Variants in B4GALT3 observed in about 807,000 individuals in gnomAD.
B4GALT3 encodes the protein N-acetyllactosamine synthase.
B4GALT3 carries 29 observed loss-of-function variants against 40.7 expected under a neutral mutation model. That is an observed-to-expected ratio of 0.71 (90% CI 0.53 to 0.97). The LOEUF is 0.97. Among genes scored for constraint, B4GALT3 ranks in the 50% least tolerant of loss-of-function variants. The pLI, the probability that B4GALT3 is intolerant of heterozygous loss-of-function variation, is 0.00. For synonymous variants in B4GALT3, 182 were observed against 203.9 expected, an observed-to-expected ratio of 0.89 and a Z score of 0.92; for missense variants, 390 against 522.3, an observed-to-expected ratio of 0.75 and a Z score of 2.47.
intron 7 of B4GALT3, 45 bp downstream of exon 7, chr1:161,172,182 T>A (rs766921603): frequency 6.2e-6 from 10 of 1,612,928 alleles, no homozygotes; most frequent in Non-Finnish European, 8.5e-6. Flanking sequence ...TACAGAACCC[T>A]GAGGATCCAG....
At chr1:161,174,964 A>G (rs552191416) in intron 4 of B4GALT3, 29 bp downstream of exon 4, 2 of 1,603,490 alleles carry the variant, frequency 1.2e-6, no homozygotes, top group African/African-American at 2.7e-5. Context: ...GAAGAAAGTC[A>G]GTCAAAATGA....
Position 161,175,939 on chromosome 1 carries a change from T to G in B4GALT3, c.122A>C (p.Asp41Ala), listed in dbSNP as rs1663348367. 6.2e-7 allele frequency: 1 copy of G among 1,613,982 alleles called. No individual in the cohort carries two copies. The highest frequency in any genetic ancestry group is 8.5e-7 in the Non-Finnish European group (1 of 1,180,026). The change falls in exon 3 of 8, where the codon GAT becomes GCT. Residue 41 changes from aspartate (D) to alanine (A), a missense_variant. Around this residue, in one of 3 missense-constraint regions of B4GALT3, gnomAD observed 183 missense variants for 223.2 expected, o/e 0.82. Coordinates refer to ENST00000319769, the MANE Select transcript of B4GALT3 (RefSeq NM_003779.4). ...AGAATAGTCAAATGTCGGTCCCTGA[T>G]CTCGGCCAAATAGGGCACTGAGACT... ...FRSLSALFGR[D>A]QGPTFDYSHP...
chr1:161,176,082 G>A lies in B4GALT3; in HGVS notation c.-14-8C>T. 4 of 1,611,930 alleles carry A rather than the reference G, an allele frequency of 2.5e-6. No homozygotes were observed. The highest frequency in any genetic ancestry group is 3.4e-6 in the Non-Finnish European group (4 of 1,178,356). ...ACATCCTGGGGGTGAGATCTAGGGA[G>A]GGAGAGGGGAATTCTGGGGGTAGGC... On this transcript the variant is annotated splice_polypyrimidine_tract_variant and splice_region_variant and intron_variant, in intron 2 of 7. Transcript: ENST00000319769.
rs376713180 is a variant in B4GALT3 at position 161,173,661 on chromosome 1, A to G, written c.747T>C (p.Asn249=). ...ALTPDQYLKM[N]GFPNEYWGWG... is the part of the protein sequence containing the mutation. ...AGCCCCAGTATTCATTGGGGAAGCC[A>G]TTCATCTTCAGGTACTGGTCAGGAG... Residue 249 remains asparagine, a synonymous_variant, in exon 6 of 8, where the codon AAT becomes AAC. Coordinates refer to ENST00000319769, the MANE Select transcript of B4GALT3 (RefSeq NM_003779.4). 8 of 1,614,056 alleles carry G rather than the reference A, an allele frequency of 5.0e-6. No individual in the cohort carries two copies. Among genetic ancestry groups the G allele is most frequent in the Admixed American group, 1.7e-5 (1 of 60,008 alleles).
intron 1 of B4GALT3, chr1:161,177,165 C>A: frequency 1.6e-6 from 2 of 1,289,334 alleles, no homozygotes; most frequent in Non-Finnish European, 2.1e-6. Context: ...GCTGGAAGGG[C>A]TCACCTAGAG....
chr1:161,174,055 A>C lies in B4GALT3; in HGVS notation c.490-6T>G, dbSNP rs936644055. 5.0e-6 allele frequency: 8 copies of C among 1,612,476 alleles called. No homozygotes were observed. In the African/African-American group the frequency reaches 1.1e-4, roughly 22 times the overall value. On this transcript the variant is annotated splice_region_variant and splice_polypyrimidine_tract_variant and intron_variant, in intron 4 of 7. Coordinates refer to ENST00000319769, the MANE Select transcript of B4GALT3 (RefSeq NM_003779.4). The stretch of plus-strand genomic sequence containing the variant: ...TTAAATGTTCCATTTCCAGCCTGGA[A>C]GATAATGGAGGGGAACCAGACTATG...
chr1:161,177,133 G>A, intron 1 of B4GALT3: 1 of 1,482,430 alleles, frequency 6.7e-7, no homozygotes, highest in Non-Finnish European at 9.1e-7. Context: ...AGGGAGAGCA[G>A]GGGCAGAGAC....
chr1:161,176,786 C>A (rs562512256), intron 1 of B4GALT3: 3 of 1,433,720 alleles, frequency 2.1e-6, no homozygotes, highest in Non-Finnish European at 2.8e-6. Flanking sequence ...CGTACCCCCA[C>A]CCCAACAGGA....
At chr1:161,176,836 T>C in intron 1 of B4GALT3, 5 of 1,533,060 alleles carry the variant, frequency 3.3e-6, no homozygotes, top group Non-Finnish European at 4.4e-6. Flanking sequence ...ATGGAAACAT[T>C]GTTTTCCCCC....
Position 161,176,552 on chromosome 1 carries a change from A to G in B4GALT3, c.-133T>C, listed in dbSNP as rs1663597805. ...CAGAGGGCAGAGAAAGGCTCCATCC[A>G]GCACTCCAGCAGCGAATCTGGGACC... On this transcript the variant is annotated 5_prime_UTR_variant, in exon 2 of 8. Coordinates refer to ENST00000319769, the MANE Select transcript of B4GALT3 (RefSeq NM_003779.4). 6 of 467,978 alleles carry G rather than the reference A, an allele frequency of 1.3e-5. No homozygotes were observed. Among genetic ancestry groups the G allele is most frequent in the Non-Finnish European group, 1.5e-5 (4 of 258,612 alleles). The allele number at this position is 467,978 out of a possible 1,614,324, so 29.0% of individuals were successfully genotyped here. A position where few individuals can be genotyped will look rare whatever the true frequency, so the allele number is the denominator to read the frequency against.
intron 1 of B4GALT3, chr1:161,176,818 G>T: frequency 6.6e-7 from 1 of 1,525,990 alleles, no homozygotes; most frequent in South Asian, 1.2e-5. Flanking sequence ...GTGGGGACAG[G>T]ACAGCTAATG....
At chr1:161,175,703 C>A in intron 3 of B4GALT3, 105 bp downstream of exon 3, 1 of 1,509,754 alleles carries the variant, frequency 6.6e-7, no homozygotes, top group African/African-American at 1.4e-5. Flanking sequence ...GCCTACCTAT[C>A]CTCTTCTAAG....
chr1:161,176,923 T>C (rs929260704), intron 1 of B4GALT3: 51 of 1,535,940 alleles, frequency 3.3e-5, no homozygotes, highest in African/African-American at 3.0e-4. Context: ...CAGGGCGAAG[T>C]AGGAAACAGG....
At chr1:161,177,091 G>A (rs1428671046) in intron 1 of B4GALT3, 4 of 1,530,920 alleles carry the variant, frequency 2.6e-6, no homozygotes, top group Non-Finnish European at 2.6e-6. Context: ...AGCGGGGGTG[G>A]GGAGGAGGGT....
chr1:161,173,312 C>T (rs1481494205), intron 6 of B4GALT3, among the ~76,000 whole-genome samples: 2 of 152,170 alleles, frequency 1.3e-5, no homozygotes, highest in East Asian at 3.8e-4. Context: ...CAGCAGAAGG[C>T]AAGACTAAGC....
At chr1:161,176,204 G>T in intron 2 of B4GALT3, 130 bp from the exon 3 acceptor site, 1 of 943,322 alleles carries the variant, frequency 1.1e-6, no homozygotes, top group Non-Finnish European at 1.6e-6. Flanking sequence ...ACAGAAGGGA[G>T]CACACAGGTG....
chr1:161,176,344 A>C (rs1379995951), intron 2 of B4GALT3, 90 bp downstream of exon 2: 4 of 532,404 alleles, frequency 7.5e-6, no homozygotes, highest in Non-Finnish European at 1.3e-5. Flanking sequence ...CACCCCCAAA[A>C]ATGTTTACAT....
rs764845131 is a variant in B4GALT3, at chr1:161,175,100, T to C, written c.382A>G (p.Ile128Val). The change falls in exon 4 of 8, where the codon ATT (isoleucine) becomes GTT (valine). Residue 128 changes from isoleucine (I) to valine (V), a missense_variant. Ile to Val is a conservative substitution (Grantham distance 29). Around this residue, in one of 3 missense-constraint regions of B4GALT3, gnomAD observed 183 missense variants for 223.2 expected, o/e 0.82. Transcript: ENST00000319769. ...GCEPRSRTAI[I>V]VPHRAREHHL... ...TGCTCCCGGGCACGATGAGGCACAA[T>C]GATGGCTGTTCGGGAGCGGGGCTCA... 2.5e-6 allele frequency: 4 copies of C among 1,613,982 alleles called. No individual in the cohort carries two copies. Among genetic ancestry groups the C allele is most frequent in the Non-Finnish European group, 3.4e-6 (4 of 1,179,878 alleles).
intron 4 of B4GALT3, among the ~76,000 whole-genome samples, chr1:161,174,440 A>C (rs1302851906): frequency 6.6e-6 from 1 of 152,084 alleles, no homozygotes; most frequent in Admixed American, 6.6e-5. Flanking sequence ...TAAAAGTGAA[A>C]AGAGGGAAAT....
Sources: gnomAD v4.1 joint callset for allele counts (sites outside exome capture counted in the v4.1 genomes callset) on GRCh38, gnomAD v4.1.1 for gene constraint, gnomAD v4.1.1 regional missense constraint, MANE v1.5 for transcripts, NCBI Gene and HGNC (gene_info 2026-07-23, HGNC 2026-07-21) for gene names.